PHACTR1: variants seen among roughly 807,000 people sequenced by gnomAD.
PHACTR1 encodes phosphatase and actin regulator 1, also known as RPEL repeat containing 1.
In PHACTR1, 16 loss-of-function variants were observed where a neutral mutation model predicts 69.2. The observed-to-expected ratio is 0.23, with a 90% CI of 0.16 to 0.35. The LOEUF is 0.35. PHACTR1 is among the 10% of genes least tolerant of loss of function. The pLI is 1.00. For missense variants in PHACTR1, 510 were observed against 734.7 expected, an observed-to-expected ratio of 0.69 and a Z score of 3.54; for synonymous variants, 312 against 284.5, an observed-to-expected ratio of 1.10 and a Z score of -0.97.
intron 7 of PHACTR1, chr6:13,185,071 T>C: frequency 8.1e-7 from 1 of 1,231,692 alleles, no homozygotes; most frequent in Non-Finnish European, 1.1e-6. Context: ...CTTTTTCTCT[T>C]GTTCTTTGAA....
intron 4 of PHACTR1, among the ~76,000 whole-genome samples, chr6:12,942,264 T>C (rs572976591): frequency 6.6e-6 from 1 of 152,224 alleles, no homozygotes; most frequent in African/African-American, 2.4e-5. Context: ...TATTTCCATA[T>C]GATTATGTGC....
intron 4 of PHACTR1, among the ~76,000 whole-genome samples, chr6:12,974,927 G>C (rs933089477): frequency 2.0e-5 from 3 of 152,194 alleles, no homozygotes; most frequent in Non-Finnish European, 4.4e-5. Context: ...AGAAATTGGG[G>C]TATGTATTCA....
intron 5 of PHACTR1, among the ~76,000 whole-genome samples, chr6:13,122,034 A>G (rs1474626879): frequency 6.6e-6 from 1 of 152,212 alleles, no homozygotes; most frequent in African/African-American, 2.4e-5. Flanking sequence ...GACATGCCAC[A>G]CATTTATGGT....
intron 3 of PHACTR1, among the ~76,000 whole-genome samples, chr6:12,734,297 A>C (rs1173406764): frequency 6.6e-6 from 1 of 152,204 alleles, no homozygotes; most frequent in African/African-American, 2.4e-5. Flanking sequence ...CTTGGGAATT[A>C]TGCCAAGGTT....
chr6:12,958,898 C>T (rs927055550), intron 4 of PHACTR1, among the ~76,000 whole-genome samples: 2 of 151,984 alleles, frequency 1.3e-5, no homozygotes, highest in East Asian at 1.9e-4. Flanking sequence ...AAAGAGGGGT[C>T]GGGCACGGTG....
chr6:12,816,350 A>G (rs1053205964), intron 4 of PHACTR1, among the ~76,000 whole-genome samples: 18 of 152,198 alleles, frequency 1.2e-4, no homozygotes, highest in African/African-American at 4.3e-4. Flanking sequence ...AGTTCTCTCT[A>G]AGGTAAATTC....
At chr6:12,973,834 T>G (rs1794521599) in intron 4 of PHACTR1, among the ~76,000 whole-genome samples, 1 of 152,118 alleles carries the variant, frequency 6.6e-6, no homozygotes, top group Non-Finnish European at 1.5e-5. Flanking sequence ...AAGGGGTTGT[T>G]TTTTCAAGGT....
intron 7 of PHACTR1, 109 bp from the exon 8 acceptor site, chr6:13,205,706 A>G: frequency 1.9e-6 from 2 of 1,060,100 alleles, no homozygotes; most frequent in Non-Finnish European, 2.7e-6. Flanking sequence ...CATTTTACCT[A>G]AGAGGCTCAA....
At chr6:13,175,134 A>G (rs1761144925) in intron 6 of PHACTR1, among the ~76,000 whole-genome samples, 1 of 152,240 alleles carries the variant, frequency 6.6e-6, no homozygotes, top group Non-Finnish European at 1.5e-5. Context: ...ATAAAAATAT[A>G]AAACTTTGTT....
chr6:12,981,241 T>A (rs745643537), intron 4 of PHACTR1, among the ~76,000 whole-genome samples: 5 of 152,160 alleles, frequency 3.3e-5, no homozygotes, highest in Non-Finnish European at 5.9e-5. Flanking sequence ...TAGTATAAAA[T>A]ACTGGTGAAA....
chr6:12,984,403 A>G (rs1795880439), intron 4 of PHACTR1, among the ~76,000 whole-genome samples: 1 of 152,232 alleles, frequency 6.6e-6, no homozygotes, highest in Non-Finnish European at 1.5e-5. Context: ...AGATAATTTA[A>G]TCTTTCAACA....
At chr6:12,765,905 C>A (rs1434874930) in intron 4 of PHACTR1, among the ~76,000 whole-genome samples, 1 of 152,150 alleles carries the variant, frequency 6.6e-6, no homozygotes, top group Non-Finnish European at 1.5e-5. Flanking sequence ...GCAATTCTTG[C>A]AAAGAACACT....
At chr6:13,269,789 G>A (rs376410686) in intron 10 of PHACTR1, among the ~76,000 whole-genome samples, 39 of 152,182 alleles carry the variant, frequency 2.6e-4, no homozygotes, top group African/African-American at 8.9e-4. Flanking sequence ...AGCTGAGATC[G>A]CACCACTGCA....
At position 12,972,311 on chromosome 6, in the gene PHACTR1, A is replaced by G. The variant is rs183115971; in HGVS notation, c.251-81054A>G. ...TGCCGCCTTGAAATTGGGTGAATTC[A>G]CGTGCATAGCATGAGGTTGAACTGT... On this transcript the variant is annotated intron_variant, in intron 4 of 14. Coordinates refer to ENST00000332995, the MANE Select transcript of PHACTR1 (RefSeq NM_030948.6). Among the ~76,000 whole-genome samples, 978 of 152,292 alleles carry G rather than the reference A, an allele frequency of 6.4e-3. 12 individuals are homozygous for G. The highest frequency in any genetic ancestry group is 0.022 in the African/African-American group (920 of 41,562).
chr6:13,012,685 A>G (rs1799576972), intron 4 of PHACTR1, among the ~76,000 whole-genome samples: 1 of 152,182 alleles, frequency 6.6e-6, no homozygotes, highest in African/African-American at 2.4e-5. Context: ...TGTAATCTCT[A>G]TTTTTAAAAT....
intron 5 of PHACTR1, among the ~76,000 whole-genome samples, chr6:13,132,192 G>T (rs533927143): frequency 3.9e-5 from 6 of 152,304 alleles, no homozygotes; most frequent in African/African-American, 1.2e-4. Flanking sequence ...GGGAGAACTG[G>T]TTGAGGTCTT....
intron 10 of PHACTR1, among the ~76,000 whole-genome samples, chr6:13,236,292 A>G (rs564544344): frequency 2.0e-5 from 3 of 152,260 alleles, no homozygotes; most frequent in East Asian, 1.9e-4. Context: ...CCACTCACCT[A>G]TGATTATTCC....
chr6:12,736,483 G>A (rs1039395337), intron 3 of PHACTR1, among the ~76,000 whole-genome samples: 4 of 152,004 alleles, frequency 2.6e-5, no homozygotes, highest in Non-Finnish European at 5.9e-5. Context: ...GTAAGTCTAG[G>A]ACATATTACC....
At chr6:13,084,211 C>T (rs550128013) in intron 5 of PHACTR1, among the ~76,000 whole-genome samples, 144 of 151,996 alleles carry the variant, frequency 9.5e-4, no homozygotes, top group African/African-American at 3.3e-3. Context: ...ATGATGAGTT[C>T]ATGTCCTTTG....
Sources: allele counts gnomAD v4.1 joint callset (sites outside exome capture counted in the v4.1 genomes callset), GRCh38; gene constraint gnomAD v4.1.1; transcripts MANE v1.5; gene names NCBI Gene and HGNC (gene_info 2026-07-23, HGNC 2026-07-21).